The following DRC11 variants were observed in gnomAD, a reference collection of about 807,000 sequenced individuals.
DRC11 encodes IQ and AAA domain-containing protein 1.
chr2:236,443,278 A>G, the DRC11 span, among the ~76,000 whole-genome samples: 139 of 152,278 alleles, frequency 9.1e-4, 1 homozygote, highest in African/African-American at 3.2e-3. This position sits in a 1 kb window ranked among gnomAD's most constrained non-coding sequence, Gnocchi z 4.4. Context: ...AGATCCACCC[A>G]TCACCTTAGT....
the DRC11 span, chr2:236,344,681 C>T: frequency 6.8e-7 from 1 of 1,479,588 alleles, no homozygotes. Flanking sequence ...TGTAAATGCA[C>T]TTCCCTCTCA....
the DRC11 span, among the ~76,000 whole-genome samples, chr2:236,390,351 G>A: frequency 1.3e-4 from 20 of 152,056 alleles, no homozygotes; most frequent in African/African-American, 3.6e-4. The surrounding 1 kb of genome is among the most constrained non-coding windows in gnomAD (Gnocchi z 5.9). Context: ...TTCAGCCTAT[G>A]TGTCCCTAAA....
At chr2:236,321,160 A>G in the DRC11 span, among the ~76,000 whole-genome samples, 285 of 152,178 alleles carry the variant, frequency 1.9e-3, no homozygotes, top group Middle Eastern at 0.01. Context: ...ACTTTTATTT[A>G]TTTATTTTTT....
At chr2:236,344,735 T>G in the DRC11 span, 1 of 862,158 alleles carries the variant, frequency 1.2e-6, no homozygotes, top group South Asian at 1.6e-5. Context: ...TTCTGGGGTG[T>G]GCAGAGCCCT....
the DRC11 span, among the ~76,000 whole-genome samples, chr2:236,320,900 C>T: frequency 6.6e-6 from 1 of 150,986 alleles, no homozygotes; most frequent in Non-Finnish European, 1.5e-5. Flanking sequence ...CTTCCTCTCC[C>T]CATCAGATAA....
chr2:236,484,050 A>C, the DRC11 span, among the ~76,000 whole-genome samples: 1 of 152,234 alleles, frequency 6.6e-6, no homozygotes, highest in South Asian at 2.1e-4. Context: ...ATTAGAAATT[A>C]ACACTTAAAC....
the DRC11 span, among the ~76,000 whole-genome samples, chr2:236,329,555 G>A: frequency 2.6e-5 from 4 of 152,112 alleles, no homozygotes; most frequent in Admixed American, 6.6e-5. Context: ...TAACGTTGTC[G>A]GAAGCACAAT....
the DRC11 span, among the ~76,000 whole-genome samples, chr2:236,501,705 T>G: frequency 6.6e-6 from 1 of 152,158 alleles, no homozygotes; most frequent in African/African-American, 2.4e-5. Flanking sequence ...CTAGACATAC[T>G]AACAGGTGTG....
chr2:236,321,588 TGACA>T, the DRC11 span, among the ~76,000 whole-genome samples: 26,435 of 152,056 alleles, frequency 0.17, 2,509 homozygotes, highest in African/African-American at 0.22. Flanking sequence ...GACTTTGCAG[TGACA>T]GACAAAGGGC....
the DRC11 span, among the ~76,000 whole-genome samples, chr2:236,314,920 T>G: frequency 2.0e-5 from 3 of 152,162 alleles, no homozygotes; most frequent in African/African-American, 7.2e-5. The surrounding 1 kb of genome is among the most constrained non-coding windows in gnomAD (Gnocchi z 4.5). Flanking sequence ...AAATATTAGT[T>G]TTTTGGTGGA....
the DRC11 span, among the ~76,000 whole-genome samples, chr2:236,321,831 A>C: frequency 6.6e-6 from 1 of 151,988 alleles, no homozygotes; most frequent in Admixed American, 6.6e-5. Flanking sequence ...CCCATATAAG[A>C]CATCTCGGGC....
chr2:236,323,074 C>T, the DRC11 span, among the ~76,000 whole-genome samples: 1 of 152,184 alleles, frequency 6.6e-6, no homozygotes, highest in African/African-American at 2.4e-5. The surrounding 1 kb of genome is among the most constrained non-coding windows in gnomAD (Gnocchi z 6.4). Context: ...AAACTAAGAC[C>T]AAGTGAAATG....
At chr2:236,436,696 G>C in the DRC11 span, among the ~76,000 whole-genome samples, 1 of 152,124 alleles carries the variant, frequency 6.6e-6, no homozygotes, top group Admixed American at 6.6e-5. Context: ...CCTTGAGTAT[G>C]AACCTCAGCT....
the DRC11 span, among the ~76,000 whole-genome samples, chr2:236,317,188 C>T: frequency 6.6e-6 from 1 of 151,976 alleles, no homozygotes; most frequent in African/African-American, 2.4e-5. The surrounding 1 kb of genome is among the most constrained non-coding windows in gnomAD (Gnocchi z 5.4). Context: ...CCCGGCTACT[C>T]AGGAGGCTGA....
chr2:236,355,081 C>G, the DRC11 span, among the ~76,000 whole-genome samples: 1 of 152,248 alleles, frequency 6.6e-6, no homozygotes, highest in Non-Finnish European at 1.5e-5. Flanking sequence ...CCTCCCCACC[C>G]TGGGCCCCTC....
chr2:236,357,864 TATAA>T, the DRC11 span, among the ~76,000 whole-genome samples: 8 of 124,124 alleles, frequency 6.4e-5, no homozygotes, highest in East Asian at 2.4e-4. Context: ...ATATATACTA[TATAA>T]ATATACATAT....
At chr2:236,401,029 G>A in the DRC11 span, among the ~76,000 whole-genome samples, 482 of 152,170 alleles carry the variant, frequency 3.2e-3, 2 homozygotes, top group South Asian at 0.011. This position sits in a 1 kb window ranked among gnomAD's most constrained non-coding sequence, Gnocchi z 4.6. Context: ...CTGGCCTTAC[G>A]ACTTCCTTCC....
chr2:236,358,286 C>A, the DRC11 span, among the ~76,000 whole-genome samples: 3 of 123,450 alleles, frequency 2.4e-5, no homozygotes, highest in Admixed American at 8.5e-5. Context: ...GATATATATA[C>A]TATATGAATA....
the DRC11 span, chr2:236,488,202 C>G: frequency 1.9e-6 from 3 of 1,557,514 alleles, no homozygotes; most frequent in Admixed American, 5.9e-5. Context: ...CTGCAAAAAA[C>G]AGTCAAGATA....
Sources: allele counts gnomAD v4.1 joint callset (sites outside exome capture counted in the v4.1 genomes callset), GRCh38; gene constraint gnomAD v4.1.1; non-coding constraint Gnocchi (gnomAD v3.1); transcripts MANE v1.5; gene names NCBI Gene and HGNC (gene_info 2026-07-23, HGNC 2026-07-21).